BAX: variants seen among roughly 807,000 people sequenced by gnomAD.
The protein encoded by BAX is apoptosis regulator BAX.
BAX carries 21 observed loss-of-function variants against 26.8 expected under a neutral mutation model. The observed-to-expected ratio is 0.78, with a 90% CI of 0.56 to 1.13. The LOEUF is 1.13. BAX is among the 50% of genes most tolerant of loss of function. The pLI is 0.00. For missense variants in BAX, 236 were observed against 254.6 expected (o/e 0.93, Z 0.50); for synonymous variants, 110 against 101.8 (o/e 1.08, Z -0.49).
At chr19:48,956,652 A>ATTTT (rs746344180) in intron 4 of BAX, among the ~76,000 whole-genome samples, 2 of 118,214 alleles carry the variant, frequency 1.7e-5, no homozygotes, top group Admixed American at 8.6e-5. Flanking sequence ...AAAGATTTCT[A>ATTTT]TTTTTTTTTT....
chr19:48,955,722 A>G lies in BAX; in HGVS notation c.122A>G (p.Glu41Gly). 3 of 1,607,762 alleles carry G rather than the reference A, an allele frequency of 1.9e-6. No homozygotes were observed. The highest frequency in any genetic ancestry group is 2.5e-6 in the Non-Finnish European group (3 of 1,177,186). The change falls in exon 3 of 6, where the codon GAG becomes GGG. Residue 41 changes from glutamate (E) to glycine (G), a missense_variant. By Grantham distance (98) the Glu-to-Gly change is moderately conservative. Transcript: ENST00000345358. Reference protein sequence around the residue: ...IQDRAGRMGGEAPELALDPVP... With the variant: ...IQDRAGRMGGGAPELALDPVP... ...GATCGAGCAGGGCGAATGGGGGGGG[A>G]GGCACCCGAGCTGGCCCTGGACCCG...
intron 5 of BAX, 137 bp from the exon 6 acceptor site, chr19:48,961,395 G>T: frequency 8.6e-7 from 1 of 1,161,746 alleles, no homozygotes; most frequent in Non-Finnish European, 1.2e-6. Context: ...CCTGAGTCCA[G>T]CTCTTTAATG....
At chr19:48,955,398 G>A (rs2038083764) in intron 1 of BAX, 150 bp from the exon 2 acceptor site, 1 of 845,036 alleles carries the variant, frequency 1.2e-6, no homozygotes, top group Non-Finnish European at 1.8e-6. Flanking sequence ...GGACTCAGTT[G>A]TCTGGGCCCC....
At chr19:48,959,177 C>T (rs1378364478) in intron 4 of BAX, among the ~76,000 whole-genome samples, 9 of 150,920 alleles carry the variant, frequency 6.0e-5, no homozygotes, top group East Asian at 4.0e-4. Context: ...GGTGAAACCC[C>T]GTCTCTACTA....
At chr19:48,960,947 C>A in intron 5 of BAX, 33 bp downstream of exon 5, 1 of 1,613,228 alleles carries the variant, frequency 6.2e-7, no homozygotes, top group South Asian at 1.1e-5. Flanking sequence ...ACCCCCACCA[C>A]CGCGCCCTCA....
At position 48,955,140 on chromosome 19, in the gene BAX, C is replaced by T. The variant is rs561282440; in HGVS notation, c.34+178C>T. Reference sequence around the variant, plus strand: ...TCGGAGGTTCCTGGCTCTCTGATCCCCGTGTCCCGATCCCTGCCTCTCTGG... The same window carrying T: ...TCGGAGGTTCCTGGCTCTCTGATCCTCGTGTCCCGATCCCTGCCTCTCTGG... On this transcript the variant is annotated intron_variant, in intron 1 of 5. Coordinates refer to ENST00000345358, the MANE Select transcript of BAX (RefSeq NM_138761.4). 5 of 753,456 alleles carry T rather than the reference C, an allele frequency of 6.6e-6. No individual in the cohort carries two copies. The East Asian group carries it at 1.4e-4, about 21-fold the overall frequency. The allele number at this position is 753,456 out of a possible 1,614,324, so 46.7% of individuals were successfully genotyped here.
intron 4 of BAX, chr19:48,960,299 T>G (rs1349260470): frequency 4.7e-6 from 2 of 423,042 alleles, no homozygotes; most frequent in South Asian, 3.3e-5. Flanking sequence ...GTTCAAGCGA[T>G]TCACCTGCCT....
Position 48,960,805 on chromosome 19 carries a change from C to T in BAX, c.370-5C>T, listed in dbSNP as rs372856198. The T allele has an allele frequency of 6.2e-7, 1 of 1,607,328 alleles. No individual in the cohort carries two copies. The highest frequency in any genetic ancestry group is 8.5e-7 in the Non-Finnish European group (1 of 1,175,032). Reference sequence around the variant, plus strand: ...AGTCCCTAACGCCCACTCCACTCCCCACAGGCCCTGTGCACCAAGGTGCCG... The same window carrying T: ...AGTCCCTAACGCCCACTCCACTCCCTACAGGCCCTGTGCACCAAGGTGCCG... On this transcript the variant is annotated splice_polypyrimidine_tract_variant and splice_region_variant and intron_variant, in intron 4 of 5. Coordinates refer to ENST00000345358, the MANE Select transcript of BAX (RefSeq NM_138761.4).
At chr19:48,955,999 C>T (rs1341755622) in intron 3 of BAX, 166 bp downstream of exon 3, 1 of 1,138,318 alleles carries the variant, frequency 8.8e-7, no homozygotes, top group Admixed American at 3.2e-5. Flanking sequence ...ATCTTAAAAC[C>T]CTCCTTCAGG....
intron 4 of BAX, chr19:48,960,312 G>A (rs60900019): frequency 2.4e-6 from 1 of 410,758 alleles, no homozygotes; most frequent in African/African-American, 2.1e-5. Flanking sequence ...ACCTGCCTCA[G>A]CATCCCAAGG....
At position 48,961,693 on chromosome 19, in the gene BAX, G is replaced by A; in HGVS notation, c.*57G>A. On this transcript the variant is annotated 3_prime_UTR_variant, in exon 6 of 6. Transcript: ENST00000345358. ...TCCATAAATTATGGCATTTTTCTGG[G>A]AGGGGTGGGGATTGGGGGACGTGGG... The A allele has an allele frequency of 7.2e-7, 1 of 1,389,232 alleles. No individual in the cohort carries two copies. Among genetic ancestry groups the A allele is most frequent in the Non-Finnish European group, 1.0e-6 (1 of 1,004,786 alleles). The allele number at this position is 1,389,232 out of a possible 1,614,324, so 86.1% of individuals were successfully genotyped here.
intron 4 of BAX, among the ~76,000 whole-genome samples, chr19:48,959,660 CAAAAA>C (rs1229929205): frequency 1.1e-5 from 1 of 94,634 alleles, no homozygotes; most frequent in African/African-American, 3.8e-5. Flanking sequence ...ACTAAAAATT[CAAAAA>C]AAAAAAAAAA....
chr19:48,955,509 C>A, intron 1 of BAX, 39 bp from the exon 2 acceptor site: 1 of 1,597,230 alleles, frequency 6.3e-7, no homozygotes, highest in Non-Finnish European at 8.5e-7. Context: ...CCCTAGAACC[C>A]AAGAGTCCAG....
rs762786630 is a variant in BAX at position 48,960,956 on chromosome 19, C to T, written c.474+42C>T. 3.1e-6 allele frequency: 5 copies of T among 1,613,004 alleles called. No homozygotes were observed. In the Admixed American group the frequency reaches 8.3e-5, roughly 27 times the overall value. The stretch of plus-strand genomic sequence containing the variant: ...CTCCTCACCCCCACCACCGCGCCCT[C>T]ACCACCGCCCCTGCCCCACCGTCCC... On this transcript the variant is annotated intron_variant, in intron 5 of 5. Coordinates refer to ENST00000345358, the MANE Select transcript of BAX (RefSeq NM_138761.4).
At chr19:48,958,758 T>C (rs961626647) in intron 4 of BAX, among the ~76,000 whole-genome samples, 2 of 151,956 alleles carry the variant, frequency 1.3e-5, no homozygotes, top group African/African-American at 4.8e-5. Context: ...TTGGCCAGGC[T>C]GGTCTCGAAC....
intron 4 of BAX, among the ~76,000 whole-genome samples, chr19:48,958,667 C>T (rs1433176911): frequency 6.6e-6 from 1 of 151,890 alleles, no homozygotes; most frequent in Non-Finnish European, 1.5e-5. Flanking sequence ...CCTCAGTCTC[C>T]CGAGTAGCTT....
chr19:48,959,574 G>A (rs2038273373), intron 4 of BAX, among the ~76,000 whole-genome samples: 1 of 150,920 alleles, frequency 6.6e-6, no homozygotes, highest in South Asian at 2.1e-4. Context: ...CGGCACTTTG[G>A]GAGGCTGAGG....
rs2038121081 is a variant in BAX at position 48,956,178 on chromosome 19, G to A, written c.234-20G>A. ...AGCCTGATGCCTGCTCCCCGGCACT[G>A]GTTCTCCTCTCTCCTGCAGGATGAT... On this transcript the variant is annotated intron_variant, in intron 3 of 5. Transcript: ENST00000345358. 8 of 1,496,454 alleles carry A rather than the reference G, an allele frequency of 5.3e-6. No individual in the cohort carries two copies. Among genetic ancestry groups the A allele is most frequent in the Non-Finnish European group, 7.1e-6 (8 of 1,120,064 alleles). 92.7% of individuals were successfully genotyped at this position (1,496,454 alleles called of 1,614,324 possible).
chr19:48,955,438 A>T, intron 1 of BAX, 110 bp from the exon 2 acceptor site: 2 of 1,276,540 alleles, frequency 1.6e-6, no homozygotes. Context: ...GGGTCCCAGA[A>T]GTCCAGGGTC....
Sources: allele counts gnomAD v4.1 joint callset (sites outside exome capture counted in the v4.1 genomes callset), GRCh38; gene constraint gnomAD v4.1.1; transcripts MANE v1.5; gene names NCBI Gene and HGNC (gene_info 2026-07-23, HGNC 2026-07-21).